CFAP68: variants seen among roughly 807,000 people sequenced by gnomAD.
CFAP68 encodes the protein cilia and flagella associated protein 68.
At chr11:111,883,911 C>T in the CFAP68 span, 1 of 1,411,090 alleles carries the variant, frequency 7.1e-7, no homozygotes, top group South Asian at 1.2e-5. Flanking sequence ...TGTATAAGAT[C>T]TTAATATTGA....
the CFAP68 span, chr11:111,879,672 A>G: frequency 2.6e-6 from 4 of 1,529,022 alleles, no homozygotes; most frequent in African/African-American, 4.1e-5. Flanking sequence ...GTGCCAGGCC[A>G]CTGTGAGGGT....
At chr11:111,885,408 C>A in the CFAP68 span, 1 of 152,154 alleles carries the variant, frequency 6.6e-6, no homozygotes, top group Admixed American at 6.5e-5. Context: ...ACTAAGGAAA[C>A]CTGTTGACTA....
At chr11:111,881,710 G>T in the CFAP68 span, 2 of 1,361,620 alleles carry the variant, frequency 1.5e-6, no homozygotes, top group Non-Finnish European at 1.9e-6. Context: ...ATCAGACATT[G>T]ATCATCTGGT....
At chr11:111,883,314 G>GGTTACAGGTGTGAGCCACTGCGCCCAGC in the CFAP68 span, 1 of 935,424 alleles carries the variant, frequency 1.1e-6, no homozygotes, top group Non-Finnish European at 1.6e-6. Context: ...GTGAGGCTGG[G>GGTTACAGGTGTGAGCCACTGCGCCCAGC]CGCAGTGGCT....
the CFAP68 span, among the ~76,000 whole-genome samples, chr11:111,881,885 A>C: frequency 6.6e-6 from 1 of 152,182 alleles, no homozygotes; most frequent in African/African-American, 2.4e-5. Flanking sequence ...GGAAAGATAA[A>C]GTTTTATGTG....
the CFAP68 span, chr11:111,879,558 G>A: frequency 2.5e-6 from 4 of 1,614,072 alleles, no homozygotes; most frequent in African/African-American, 4.0e-5. Context: ...CACCTCGTCT[G>A]AAATGGCTGC....
the CFAP68 span, chr11:111,880,642 T>C: frequency 2.7e-6 from 1 of 377,318 alleles, no homozygotes; most frequent in South Asian, 1.9e-5. Flanking sequence ...GTTTAGTATA[T>C]AATCAACAAC....
At chr11:111,881,122 G>C in the CFAP68 span, 1 of 978,580 alleles carries the variant, frequency 1.0e-6, no homozygotes, top group African/African-American at 1.7e-5. Flanking sequence ...TTAGTGACTG[G>C]ATGAAAATTA....
At chr11:111,881,292 T>G in the CFAP68 span, 1 of 1,406,614 alleles carries the variant, frequency 7.1e-7, no homozygotes, top group Non-Finnish European at 9.3e-7. Context: ...CTGGTCATCA[T>G]GTTGTTTGGT....
chr11:111,879,710 T>C, the CFAP68 span: 3 of 1,260,564 alleles, frequency 2.4e-6, no homozygotes, highest in Non-Finnish European at 3.5e-6. Flanking sequence ...GAACAAAATG[T>C]GGCCTATGAT....
At chr11:111,879,570 TC>T in the CFAP68 span, 1 of 1,614,178 alleles carries the variant, frequency 6.2e-7, no homozygotes, top group Non-Finnish European at 8.5e-7. Context: ...AATGGCTGCC[TC>T]CCAGTGTCTC....
chr11:111,883,212 C>T, the CFAP68 span: 3 of 1,557,234 alleles, frequency 1.9e-6, no homozygotes, highest in South Asian at 2.4e-5. Flanking sequence ...AGTACGTGGA[C>T]TGTTTTTTCA....
chr11:111,883,294 A>G, the CFAP68 span: 1 of 1,141,868 alleles, frequency 8.8e-7, no homozygotes, highest in Non-Finnish European at 1.3e-6. Context: ...TAAACTGAAT[A>G]GGTGAATAAG....
the CFAP68 span, chr11:111,879,647 T>C: frequency 6.3e-7 from 1 of 1,592,660 alleles, no homozygotes; most frequent in Non-Finnish European, 8.6e-7. Flanking sequence ...AGAAAGAGTA[T>C]TGAGTGTCTA....
At chr11:111,882,564 G>A in the CFAP68 span, 1 of 1,610,706 alleles carries the variant, frequency 6.2e-7, no homozygotes, top group South Asian at 1.1e-5. Context: ...TATGACCTGA[G>A]GAATATCGTG....
the CFAP68 span, chr11:111,884,652 C>T: frequency 3.9e-5 from 6 of 152,060 alleles, no homozygotes; most frequent in Non-Finnish European, 8.8e-5. Flanking sequence ...TAGTGAACAT[C>T]CCCTCTTGAG....
At chr11:111,883,892 C>G in the CFAP68 span, 1 of 1,522,400 alleles carries the variant, frequency 6.6e-7, no homozygotes, top group Non-Finnish European at 9.1e-7. Flanking sequence ...TTGGGCATCA[C>G]TCAGGATGTG....
chr11:111,881,329 C>T, the CFAP68 span: 3 of 1,448,896 alleles, frequency 2.1e-6, no homozygotes, highest in African/African-American at 4.3e-5. Flanking sequence ...TCTGTCTTCA[C>T]AAAGGCAGAT....
At chr11:111,882,165 G>A in the CFAP68 span, among the ~76,000 whole-genome samples, 1 of 152,256 alleles carries the variant, frequency 6.6e-6, no homozygotes, top group South Asian at 2.1e-4. Context: ...TTTAATCCAT[G>A]TAGTCACCCA....
Sources: allele counts gnomAD v4.1 joint callset (sites outside exome capture counted in the v4.1 genomes callset), GRCh38; gene constraint gnomAD v4.1.1; transcripts MANE v1.5; gene names NCBI Gene and HGNC (gene_info 2026-07-23, HGNC 2026-07-21).